The following TMED8 variants were observed in gnomAD, a reference collection of about 807,000 sequenced individuals.
TMED8 encodes the protein transmembrane p24 trafficking protein family member 8, also known as protein TMED8.
A neutral mutation model predicts 32.7 loss-of-function variants in TMED8; 15 were observed. The observed-to-expected ratio is 0.46, with a 90% confidence interval of 0.31 to 0.71. The LOEUF (loss-of-function observed/expected upper bound fraction) is 0.71, where lower values mean the gene tolerates loss of function less well. Ranked by LOEUF, TMED8 falls within the 30% of genes least tolerant of loss-of-function variation. TMED8 has a pLI of 0.06. For synonymous variants in TMED8, 147 were observed against 161.4 expected (o/e 0.91, Z 0.68); for missense variants, 390 against 423.9 (o/e 0.92, Z 0.70).
intron 1 of TMED8, chr14:77,359,299 T>G (rs1265138815): frequency 6.0e-6 from 1 of 167,360 alleles, no homozygotes; most frequent in African/African-American, 2.4e-5. Context: ...CCCAACTCCA[T>G]GCAGACGGAA....
At chr14:77,353,415 A>G (rs1893222361) in intron 1 of TMED8, among the ~76,000 whole-genome samples, 1 of 150,678 alleles carries the variant, frequency 6.6e-6, no homozygotes, top group African/African-American at 2.4e-5. Context: ...TGTGAACAAG[A>G]TCTATTTTTC....
At chr14:77,352,384 A>G (rs995213410) in intron 1 of TMED8, among the ~76,000 whole-genome samples, 1 of 152,026 alleles carries the variant, frequency 6.6e-6, no homozygotes, top group Non-Finnish European at 1.5e-5. Context: ...ATTGCACTCC[A>G]GCCTGGGCAA....
chr14:77,359,185 C>T (rs1484215499), intron 1 of TMED8, among the ~76,000 whole-genome samples: 1 of 152,190 alleles, frequency 6.6e-6, no homozygotes, highest in Non-Finnish European at 1.5e-5. Context: ...GCTAGGATTA[C>T]AGGCATGAGC....
chr14:77,372,906 T>TCATATA (rs1893703573), intron 1 of TMED8, among the ~76,000 whole-genome samples: 2 of 35,332 alleles, frequency 5.7e-5, no homozygotes. Flanking sequence ...GCCACAGATA[T>TCATATA]TATATATATA....
intron 1 of TMED8, among the ~76,000 whole-genome samples, chr14:77,362,716 C>A (rs1893466440): frequency 6.6e-6 from 1 of 152,102 alleles, no homozygotes; most frequent in Non-Finnish European, 1.5e-5. Context: ...TAAGATCCAA[C>A]CTATATGCTG....
chr14:77,343,034 T>C, intron 5 of TMED8, 144 bp downstream of exon 5: 1 of 779,732 alleles, frequency 1.3e-6, no homozygotes, highest in Admixed American at 2.8e-5. Flanking sequence ...ATGTTCTCTT[T>C]GGCCTGTACC....
chr14:77,373,621 G>A (rs1023303286), intron 1 of TMED8, among the ~76,000 whole-genome samples: 44 of 152,140 alleles, frequency 2.9e-4, no homozygotes, highest in Non-Finnish European at 5.0e-4. Flanking sequence ...GGTTATTCTG[G>A]ATAATGACAC....
chr14:77,365,373 T>C (rs541176256), intron 1 of TMED8, among the ~76,000 whole-genome samples: 2 of 152,162 alleles, frequency 1.3e-5, no homozygotes, highest in Non-Finnish European at 2.9e-5. Flanking sequence ...TGGTATCCTT[T>C]AGGATAGAAT....
At chr14:77,358,724 A>G (rs1893358407) in intron 1 of TMED8, among the ~76,000 whole-genome samples, 1 of 152,222 alleles carries the variant, frequency 6.6e-6, no homozygotes, top group African/African-American at 2.4e-5. Flanking sequence ...TGTAAATATA[A>G]TAGTTTTAAA....
At position 77,351,702 on chromosome 14, in the gene TMED8, G is replaced by A. The variant is rs747527539; in HGVS notation, c.168C>T (p.Thr56=). 7.4e-6 allele frequency: 12 copies of A among 1,613,054 alleles called. No homozygotes were observed. The highest frequency in any genetic ancestry group is 1.3e-5 in the African/African-American group (1 of 74,814). Residue 56 remains threonine (T), a synonymous_variant, in exon 2 of 6, where the codon ACC becomes ACT. Transcript: ENST00000216468. ...GGGGTGAGGAGCAGGGTTCTGGATC[G>A]GTGGCAGAAGCCAATAAAGAGGTAT... ...NKDTSLLASA[T]DPEPCSSPHR... is the part of the protein sequence containing the mutation.
In TMED8 at chr14:77,346,450, C is replaced by A; in HGVS notation, c.226G>T (p.Asp76Tyr). ...GCTTTCCGCAGATCTTCCGTGGCAT[C>A]CTTACTCACTGGAGATACCATCTGT... Reference protein sequence around the residue: ...RPQMVSPVSKDATEDLRKATG... With the variant: ...RPQMVSPVSKYATEDLRKATG... The change falls in exon 3 of 6, where the codon GAT becomes TAT. Residue 76 changes from aspartate to tyrosine, a missense_variant. Physicochemically the swap from Asp to Tyr is radical, Grantham distance 160. Coordinates refer to ENST00000216468, the MANE Select transcript of TMED8 (RefSeq NM_213601.3). 1 of 1,614,184 alleles carries A rather than the reference C, an allele frequency of 6.2e-7. No individual in the cohort carries two copies. The highest frequency in any genetic ancestry group is 1.3e-5 in the African/African-American group (1 of 75,042).
chr14:77,360,293 CT>C (rs1284174216), intron 1 of TMED8, among the ~76,000 whole-genome samples: 1 of 152,046 alleles, frequency 6.6e-6, no homozygotes, highest in Non-Finnish European at 1.5e-5. Flanking sequence ...CTTGTTCATC[CT>C]ATGTATCTCT....
At position 77,377,064 on chromosome 14, in the gene TMED8, C is replaced by G. The variant is rs1215091346; in HGVS notation, c.-11G>C. Reference sequence around the variant, plus strand: ...CTGCAGGTCAGACATCTGCAGCCCGCGCACGGAGCTCTCCGCTGCCAGCCG... The same window carrying G: ...CTGCAGGTCAGACATCTGCAGCCCGGGCACGGAGCTCTCCGCTGCCAGCCG... On this transcript the variant is annotated 5_prime_UTR_variant, in exon 1 of 6. Coordinates refer to ENST00000216468, the MANE Select transcript of TMED8 (RefSeq NM_213601.3). 7.4e-7 allele frequency: 1 copy of G among 1,346,194 alleles called. No homozygotes were observed. The highest frequency in any genetic ancestry group is 9.5e-7 in the Non-Finnish European group (1 of 1,050,014). 83.4% of individuals were successfully genotyped at this position (1,346,194 alleles called of 1,614,324 possible).
chr14:77,358,124 C>CAAAAAAA (rs35361617), intron 1 of TMED8, among the ~76,000 whole-genome samples: 2 of 76,242 alleles, frequency 2.6e-5, no homozygotes, highest in Non-Finnish European at 4.7e-5. Flanking sequence ...GCTCTGTCTC[C>CAAAAAAA]AAAAAAAAAA....
chr14:77,372,906 T>TTTTTATATA (rs1227686477), intron 1 of TMED8, among the ~76,000 whole-genome samples: 11 of 35,344 alleles, frequency 3.1e-4, no homozygotes, highest in African/African-American at 5.8e-4. Flanking sequence ...GCCACAGATA[T>TTTTTATATA]TATATATATA....
Position 77,346,424 on chromosome 14 carries a change from T to C in TMED8, c.252A>G (p.Ala84=). Residue 84 remains alanine, a synonymous_variant, in exon 3 of 6, where the codon GCA becomes GCG. Coordinates refer to ENST00000216468, the MANE Select transcript of TMED8 (RefSeq NM_213601.3). ...AGGCCTGAGCCTCCAAAGGACCAGT[T>C]GCTTTCCGCAGATCTTCCGTGGCAT... is the stretch of plus-strand genomic sequence containing the variant. The part of the protein sequence containing the change: ...SKDATEDLRK[A]TGPLEAQALV... The C allele has an allele frequency of 6.2e-7, 1 of 1,614,182 alleles. No individual in the cohort carries two copies. The highest frequency in any genetic ancestry group is 8.5e-7 in the Non-Finnish European group (1 of 1,180,030).
intron 1 of TMED8, among the ~76,000 whole-genome samples, chr14:77,365,200 G>A (rs888929137): frequency 6.6e-6 from 1 of 152,142 alleles, no homozygotes; most frequent in Non-Finnish European, 1.5e-5. Flanking sequence ...TTGAGTTAAT[G>A]ACTTTGCCTA....
Position 77,341,633 on chromosome 14 carries a change from C to G in TMED8, c.*138G>C, listed in dbSNP as rs1892901220. The G allele has an allele frequency of 1.4e-6, 1 of 706,966 alleles. No individual in the cohort carries two copies. The highest frequency in any genetic ancestry group is 1.8e-5 in the South Asian group (1 of 55,110). The allele number at this position is 706,966 out of a possible 1,614,324, so 43.8% of individuals were successfully genotyped here. A position where few individuals can be genotyped will look rare whatever the true frequency, so the allele number is the denominator to read the frequency against. The stretch of plus-strand genomic sequence containing the variant: ...AAGGGGAAAAAGCTACGTGGGCCAA[C>G]AGTCAGGCATGCCAGACAGGGTGTG... On this transcript the variant is annotated 3_prime_UTR_variant, in exon 6 of 6. Transcript: ENST00000216468.
intron 1 of TMED8, among the ~76,000 whole-genome samples, chr14:77,365,494 C>T (rs1893532227): frequency 6.6e-6 from 1 of 152,176 alleles, no homozygotes; most frequent in African/African-American, 2.4e-5. Flanking sequence ...ATGACCAGGA[C>T]TTGGCCAAGT....
Sources: gnomAD v4.1 joint callset for allele counts (sites outside exome capture counted in the v4.1 genomes callset) on GRCh38, gnomAD v4.1.1 for gene constraint, MANE v1.5 for transcripts, NCBI Gene and HGNC (gene_info 2026-07-23, HGNC 2026-07-21) for gene names.